The following MYOM1 variants were observed in gnomAD, a reference collection of about 807,000 sequenced individuals.
The protein encoded by MYOM1 is myomesin 1, also known as myomesin-1.
A neutral mutation model predicts 205.3 loss-of-function variants in MYOM1; 164 were observed. That is an observed-to-expected ratio of 0.80 (90% CI 0.70 to 0.91). MYOM1 has a LOEUF of 0.91. Ranked by LOEUF, MYOM1 falls within the 40% of genes least tolerant of loss-of-function variation. MYOM1 has a pLI of 0.00. For synonymous variants in MYOM1, 772 were observed against 789.4 expected, an observed-to-expected ratio of 0.98 and a Z score of 0.37; for missense variants, 2,011 against 2,127.3, an observed-to-expected ratio of 0.95 and a Z score of 1.08.
intron 19 of MYOM1, 57 bp downstream of exon 19, chr18:3,126,644 G>A (rs1481504617): frequency 2.2e-5 from 33 of 1,486,242 alleles, no homozygotes; most frequent in South Asian, 5.3e-5. Flanking sequence ...CTGCCTGGGC[G>A]TGCAAGCATA....
intron 2 of MYOM1, among the ~76,000 whole-genome samples, chr18:3,203,352 C>A (rs1274037365): frequency 6.6e-6 from 1 of 151,380 alleles, no homozygotes; most frequent in East Asian, 1.9e-4. Context: ...AAAGTTGGTT[C>A]TTTGAAAAGA....
At position 3,149,867 on chromosome 18, in the gene MYOM1, T is replaced by C. The variant is rs577991673; in HGVS notation, c.1844-666A>G. On this transcript the variant is annotated intron_variant, in intron 12 of 37. Coordinates refer to ENST00000356443, the MANE Select transcript of MYOM1 (RefSeq NM_003803.4). The stretch of plus-strand genomic sequence containing the variant: ...GGGTTTGTGAAAAACAGAAAGGCAG[T>C]AAAGAAGGTAACTTATTTTTAGTTC... Among the ~76,000 whole-genome samples the C allele has an allele frequency of 3.3e-5, 5 of 152,254 alleles. No homozygotes were observed. In the East Asian group the frequency reaches 9.7e-4, roughly 29 times the overall value.
At chr18:3,149,257 C>T in intron 12 of MYOM1, 56 bp from the exon 13 acceptor site, 4 of 1,433,090 alleles carry the variant, frequency 2.8e-6, no homozygotes, top group Non-Finnish European at 3.9e-6. Context: ...AATTTATCAG[C>T]TGCACTGATG....
intron 15 of MYOM1, 131 bp from the exon 16 acceptor site, chr18:3,134,955 A>ATTTTTT (rs368505930): frequency 2.8e-6 from 2 of 718,570 alleles, no homozygotes; most frequent in Non-Finnish European, 4.3e-6. Context: ...TTATTTTACG[A>ATTTTTT]TTTTTTTTTT....
At chr18:3,197,681 A>T (rs12326123) in intron 2 of MYOM1, among the ~76,000 whole-genome samples, 1 of 151,056 alleles carries the variant, frequency 6.6e-6, no homozygotes. Flanking sequence ...AGACCATCCT[A>T]GCTAACATGG....
the MYOM1 span, among the ~76,000 whole-genome samples, chr18:3,241,923 T>C: frequency 7.9e-5 from 12 of 152,224 alleles, no homozygotes; most frequent in South Asian, 2.1e-4. Flanking sequence ...CTGCTGGATT[T>C]TGGACTTGCT....
intron 2 of MYOM1, among the ~76,000 whole-genome samples, chr18:3,199,216 A>G (rs1396491679): frequency 3.3e-5 from 5 of 152,208 alleles, no homozygotes; most frequent in African/African-American, 1.2e-4. Context: ...GAACAATGTG[A>G]TAAAACCCCA....
At position 3,083,837 on chromosome 18, in the gene MYOM1, G is replaced by C; in HGVS notation, c.4436C>G (p.Ser1479Cys). The change falls in exon 33 of 38, where the codon TCT becomes TGT. Residue 1479 changes from serine to cysteine, a missense_variant. Transcript: ENST00000356443. Reference protein sequence around the residue: ...QSTAEGIQLYSFVTYYVEDLK... With the variant: ...QSTAEGIQLYCFVTYYVEDLK... ...ATCCTCCACATAGTAAGTTACAAAA[G>C]AGTACAGTTGGATGCCCTCGGCTGT... 1.3e-6 allele frequency: 2 copies of C among 1,583,184 alleles called. No homozygotes were observed. The highest frequency in any genetic ancestry group is 1.7e-6 in the Non-Finnish European group (2 of 1,163,250).
Position 3,130,051 on chromosome 18 carries a change from C to CT in MYOM1, c.2507-533dup, listed in dbSNP as rs777671133. ...TCTTCCTTCCTTCGTTTTCTTTCTTCTTTTTTTTTTTTTTGGAGTCTCACT... is the reference window on the plus strand; with the variant it reads ...TCTTCCTTCCTTCGTTTTCTTTCTTCTTTTTTTTTTTTTTTGGAGTCTCACT... On this transcript the variant is annotated intron_variant, in intron 17 of 37. Coordinates refer to ENST00000356443, the MANE Select transcript of MYOM1 (RefSeq NM_003803.4). 7.5e-3 allele frequency among the ~76,000 whole-genome samples: 1,080 copies of CT among 144,944 alleles called. 4 individuals carry two copies. Among genetic ancestry groups the CT allele is most frequent in the Non-Finnish European group, 1.0e-2 (656 of 65,740 alleles).
chr18:3,113,441 G>A (rs1452844010), intron 21 of MYOM1, among the ~76,000 whole-genome samples: 1 of 151,974 alleles, frequency 6.6e-6, no homozygotes. Flanking sequence ...CAATCCTCCT[G>A]CCTCAGCCTC....
At position 3,215,379 on chromosome 18, in the gene MYOM1, G is replaced by A. The variant is rs888446573; in HGVS notation, c.-28-128C>T. On this transcript the variant is annotated intron_variant, in intron 1 of 37. Transcript: ENST00000356443. ...GGTGGTTCATGCTTGAAATCCCAAC[G>A]AGGATCTCTCGAGGCCGGGAGCTCA... The A allele has an allele frequency of 2.3e-5, 18 of 767,986 alleles. No individual in the cohort carries two copies. In the South Asian group the frequency reaches 2.9e-4, roughly 12 times the overall value. 47.6% of individuals were successfully genotyped at this position (767,986 alleles called of 1,614,324 possible). A position where few individuals can be genotyped will look rare whatever the true frequency, so the allele number is the denominator to read the frequency against.
the MYOM1 span, among the ~76,000 whole-genome samples, chr18:3,235,218 A>C: frequency 6.6e-6 from 1 of 152,074 alleles, no homozygotes; most frequent in Admixed American, 6.6e-5. Context: ...GTTTGGGTTA[A>C]GGCCTCAGTA....
the MYOM1 span, among the ~76,000 whole-genome samples, chr18:3,244,588 T>C: frequency 6.6e-6 from 1 of 151,890 alleles, no homozygotes; most frequent in South Asian, 2.1e-4. Flanking sequence ...ACTCTGTCTC[T>C]ACTAAAAGTA....
Position 3,208,524 on chromosome 18 carries a change from T to TA in MYOM1, c.290+6409dup, listed in dbSNP as rs1283004412. Among the ~76,000 whole-genome samples the TA allele has an allele frequency of 5.9e-3, 890 of 151,604 alleles. 6 individuals are homozygous for TA. The highest frequency in any genetic ancestry group is 0.02 in the African/African-American group (843 of 41,396). On this transcript the variant is annotated intron_variant, in intron 2 of 37. Transcript: ENST00000356443. ...GGCAACAGGGCAAGATCCCATCTAT[T>TA]AAAAAAAAACCATAATGCAACAGCC...
intron 19 of MYOM1, among the ~76,000 whole-genome samples, chr18:3,121,724 CGA>C: frequency 6.6e-6 from 1 of 152,006 alleles, no homozygotes. Flanking sequence ...GTCACCAAAA[CGA>C]AAGAAACTCG....
At chr18:3,245,102 A>G in the MYOM1 span, among the ~76,000 whole-genome samples, 1 of 152,204 alleles carries the variant, frequency 6.6e-6, no homozygotes, top group Admixed American at 6.5e-5. Flanking sequence ...CTCCAGAAGT[A>G]TAAGAAATAA....
chr18:3,169,796 T>A (rs2080529123), intron 8 of MYOM1, among the ~76,000 whole-genome samples: 1 of 152,222 alleles, frequency 6.6e-6, no homozygotes, highest in African/African-American at 2.4e-5. Flanking sequence ...TTGCTGGGTT[T>A]ATATCTTAAA....
At chr18:3,197,918 A>G (rs1408588591) in intron 2 of MYOM1, among the ~76,000 whole-genome samples, 1 of 152,162 alleles carries the variant, frequency 6.6e-6, no homozygotes, top group Non-Finnish European at 1.5e-5. Flanking sequence ...ATTTCGTTCT[A>G]TACTCCAATG....
At chr18:3,140,129 G>A (rs868647062) in intron 14 of MYOM1, among the ~76,000 whole-genome samples, 91 of 152,174 alleles carry the variant, frequency 6.0e-4, no homozygotes, top group African/African-American at 1.8e-3. Flanking sequence ...GAATGCAGCC[G>A]GGCGTGGTGG....
Sources: allele counts gnomAD v4.1 joint callset (sites outside exome capture counted in the v4.1 genomes callset), GRCh38; gene constraint gnomAD v4.1.1; transcripts MANE v1.5; gene names NCBI Gene and HGNC (gene_info 2026-07-23, HGNC 2026-07-21).